NR2F6: variants seen among roughly 807,000 people sequenced by gnomAD.
The protein encoded by NR2F6 is ERBA-related gene-2.
In NR2F6, 16 loss-of-function variants were observed where a neutral mutation model predicts 26.5. That is an observed-to-expected ratio of 0.60 (90% confidence interval 0.41 to 0.92). NR2F6 has a LOEUF of 0.92. NR2F6 is among the 40% of genes least tolerant of loss of function. NR2F6 has a pLI of 0.00. For synonymous variants in NR2F6, 325 were observed against 305.0 expected (o/e 1.07, Z -0.68); for missense variants, 536 against 631.7 (o/e 0.85, Z 1.62).
chr19:17,242,867 C>T (rs2073477108), intron 1 of NR2F6, among the ~76,000 whole-genome samples: 2 of 152,214 alleles, frequency 1.3e-5, no homozygotes, highest in Non-Finnish European at 2.9e-5. Context: ...TCCTGTTATC[C>T]CACCTAAAGA....
intron 3 of NR2F6, among the ~76,000 whole-genome samples, chr19:17,233,410 G>A (rs1568315909): frequency 6.6e-6 from 1 of 152,164 alleles, no homozygotes; most frequent in African/African-American, 2.4e-5. Context: ...GAGATAGTGA[G>A]GTGTTCTCAT....
rs2073495081 is a variant in NR2F6, at chr19:17,245,709, G to C, written c.-489C>G. ...GCGGGGGGGGAGGGGCGGCGGGTGC[G>C]CGCCGGGGCTGATCGCCGCGCCCCC... On this transcript the variant is annotated 5_prime_UTR_variant, in exon 1 of 4. Coordinates refer to ENST00000291442, the MANE Select transcript of NR2F6 (RefSeq NM_005234.4). This position sits in a 1 kb window ranked among gnomAD's most constrained non-coding sequence, Gnocchi z 5.0. 6.9e-6 allele frequency: 1 copy of C among 145,612 alleles called. No homozygotes were observed. The allele number at this position is 145,612 out of a possible 1,614,324, so 9.0% of individuals were successfully genotyped here.
chr19:17,243,181 C>T (rs2073478531), intron 1 of NR2F6, among the ~76,000 whole-genome samples: 1 of 152,196 alleles, frequency 6.6e-6, no homozygotes, highest in Admixed American at 6.5e-5. Context: ...CCCTAGCCTC[C>T]TCCAGGCAGC....
At chr19:17,232,943 T>C (rs1007111825) in intron 3 of NR2F6, among the ~76,000 whole-genome samples, 1 of 151,928 alleles carries the variant, frequency 6.6e-6, no homozygotes, top group African/African-American at 2.4e-5. Context: ...AGGTCAGGAG[T>C]TCAAGACCAG....
At position 17,235,453 on chromosome 19, in the gene NR2F6, C is replaced by T; in HGVS notation, c.940+46G>A. 1 of 1,539,072 alleles carries T rather than the reference C, an allele frequency of 6.5e-7. No homozygotes were observed. The highest frequency in any genetic ancestry group is 1.4e-5 in the African/African-American group (1 of 72,804). On this transcript the variant is annotated intron_variant, in intron 3 of 3. Transcript: ENST00000291442. The surrounding 1 kb of genome is among the most constrained non-coding windows in gnomAD (Gnocchi z 5.0). ...GTCCAGGCCGCCCTCCTCCTAACCT[C>T]CCTTGGGTCCCCCCATCCCGCGGCC...
chr19:17,240,706 A>G lies in NR2F6; in HGVS notation c.338T>C (p.Leu113Pro), dbSNP rs1233964531. ...CATGCCCACCCGGAAGCACTTCTTG[A>G]GACGGCAGTACTGGCACTGGTTCCG... ...HHRNQCQYCR[L>P]KKCFRVGMRK... is the part of the protein sequence containing the mutation. Residue 113 changes from leucine (L) to proline (P), a missense_variant, in exon 2 of 4, where the codon CTC (leucine) becomes CCC (proline). Physicochemically the swap from Leu to Pro is moderately conservative, Grantham distance 98. Coordinates refer to ENST00000291442, the MANE Select transcript of NR2F6 (RefSeq NM_005234.4). 2 of 1,614,018 alleles carry G rather than the reference A, an allele frequency of 1.2e-6. No homozygotes were observed. Among genetic ancestry groups the G allele is most frequent in the Non-Finnish European group, 8.5e-7 (1 of 1,180,028 alleles).
At position 17,241,565 on chromosome 19, in the gene NR2F6, C is replaced by CT. The variant is rs561852452; in HGVS notation, c.279-801dup. ...CTTATTCTTCAAATGTCCCCAGAAC[C>CT]TTCTCCCCTTGGCCCCTGCCCTTGG... On this transcript the variant is annotated intron_variant, in intron 1 of 3. Coordinates refer to ENST00000291442, the MANE Select transcript of NR2F6 (RefSeq NM_005234.4). Among the ~76,000 whole-genome samples, 548 of 152,344 alleles carry CT rather than the reference C, an allele frequency of 3.6e-3. 2 individuals carry two copies. The highest frequency in any genetic ancestry group is 5.0e-3 in the Non-Finnish European group (337 of 68,026).
Position 17,235,113 on chromosome 19 carries a change from C to G in NR2F6, c.940+386G>C, listed in dbSNP as rs533021456. Among the ~76,000 whole-genome samples the G allele has an allele frequency of 3.9e-5, 6 of 152,296 alleles. No homozygotes were observed. The South Asian group carries it at 1.2e-3, about 32-fold the overall frequency. On this transcript the variant is annotated intron_variant, in intron 3 of 3. Transcript: ENST00000291442. The surrounding 1 kb of genome is among the most constrained non-coding windows in gnomAD (Gnocchi z 5.0). ...CCAGAACCAGGGGGTCAGGACCTTCCCTCCCACGTCCCCCCAACCTTGTGC... is the reference window on the plus strand; with the variant it reads ...CCAGAACCAGGGGGTCAGGACCTTCGCTCCCACGTCCCCCCAACCTTGTGC...
chr19:17,238,760 G>C (rs2073452828), intron 2 of NR2F6, among the ~76,000 whole-genome samples: 1 of 152,094 alleles, frequency 6.6e-6, no homozygotes, highest in Non-Finnish European at 1.5e-5. Context: ...TCCCACCAAG[G>C]CCTAGACCAA....
Position 17,243,987 on chromosome 19 carries a change from G to C in NR2F6, c.278+956C>G, listed in dbSNP as rs1383516072. On this transcript the variant is annotated intron_variant, in intron 1 of 3. Transcript: ENST00000291442. Reference sequence around the variant, plus strand: ...GCATGTTCCTGGGGTGCAGAGTAGGGGCTTATAAACGGACAGATCGGATGC... The same window carrying C: ...GCATGTTCCTGGGGTGCAGAGTAGGCGCTTATAAACGGACAGATCGGATGC... 2.0e-5 allele frequency among the ~76,000 whole-genome samples: 3 copies of C among 152,104 alleles called. No individual in the cohort carries two copies. The East Asian group carries it at 5.8e-4, about 29-fold the overall frequency.
Position 17,236,060 on chromosome 19 carries a change from G to T in NR2F6, c.379C>A (p.Gln127Lys). ...AGCGAGTGCGGGATGCGGCCGCGCT[G>T]CACCGCTGCGGGAGGCGGGGACAGG... ...FRVGMRKEAVQRGRIPHSLPG... is the reference protein window; with the variant it reads ...FRVGMRKEAVKRGRIPHSLPG... The change falls in exon 3 of 4, where the codon CAG (glutamine) becomes AAG (lysine). Residue 127 changes from glutamine to lysine, a missense_variant. By Grantham distance (53) the Gln-to-Lys change is moderately conservative. Transcript: ENST00000291442. The T allele has an allele frequency of 7.8e-7, 1 of 1,277,044 alleles. No homozygotes were observed. Among genetic ancestry groups the T allele is most frequent in the Non-Finnish European group, 9.8e-7 (1 of 1,019,122 alleles). The allele number at this position is 1,277,044 out of a possible 1,614,324, so 79.1% of individuals were successfully genotyped here.
intron 2 of NR2F6, among the ~76,000 whole-genome samples, chr19:17,237,700 A>G (rs1176153258): frequency 2.6e-5 from 4 of 152,074 alleles, no homozygotes; most frequent in African/African-American, 7.2e-5. Context: ...GTGAGCCCCC[A>G]CGCCTGGCCG....
In NR2F6 at chr19:17,245,628, T is replaced by A. The variant is rs1267573916; in HGVS notation, c.-408A>T. On this transcript the variant is annotated 5_prime_UTR_variant, in exon 1 of 4. It removes an upstream start codon present in the reference 5' UTR. Transcript: ENST00000291442. The surrounding 1 kb of genome is among the most constrained non-coding windows in gnomAD (Gnocchi z 5.0). ...CTGCGGCCAACTCAGCGGGCCGCCA[T>A]CCGAGCGCGGGAGGCCGGGGGGAAA... The A allele has an allele frequency of 1.4e-5, 2 of 145,444 alleles. No homozygotes were observed. The highest frequency in any genetic ancestry group is 4.9e-5 in the African/African-American group (2 of 40,502). 9.0% of individuals were successfully genotyped at this position (145,444 alleles called of 1,614,324 possible).
chr19:17,232,362 G>C lies in NR2F6; in HGVS notation c.1205C>G (p.Ser402Trp). ...SGSTFNWPYG[S>W]GQ Reference sequence around the variant, plus strand: ...GTGGCCCCGTCATGGTCACTGGCCCGAGCCGTAGGGCCAGTTGAAGGTACT... The same window carrying C: ...GTGGCCCCGTCATGGTCACTGGCCCCAGCCGTAGGGCCAGTTGAAGGTACT... Residue 402 changes from serine (S) to tryptophan (W), a missense_variant, in exon 4 of 4, where the codon TCG (serine) becomes TGG (tryptophan). Coordinates refer to ENST00000291442, the MANE Select transcript of NR2F6 (RefSeq NM_005234.4). 2 of 1,613,818 alleles carry C rather than the reference G, an allele frequency of 1.2e-6. No homozygotes were observed. The highest frequency in any genetic ancestry group is 1.7e-6 in the Non-Finnish European group (2 of 1,180,032).
At chr19:17,237,290 A>G (rs2073444254) in intron 2 of NR2F6, among the ~76,000 whole-genome samples, 1 of 151,988 alleles carries the variant, frequency 6.6e-6, no homozygotes, top group African/African-American at 2.4e-5. Flanking sequence ...CTGGGTTGTG[A>G]GCAACCACCA....
intron 1 of NR2F6, chr19:17,244,585 G>C (rs887240338): frequency 1.2e-5 from 3 of 240,250 alleles, no homozygotes; most frequent in African/African-American, 4.6e-5. Flanking sequence ...CGCGCGCCGG[G>C]ATCCCCGAGA....
chr19:17,243,207 G>A (rs1242465842), intron 1 of NR2F6, among the ~76,000 whole-genome samples: 2 of 152,128 alleles, frequency 1.3e-5, no homozygotes, highest in East Asian at 1.9e-4. Context: ...CTGACCTCCA[G>A]GCAGAGCCTC....
chr19:17,240,810 T>G (rs1369862248), intron 1 of NR2F6, 45 bp from the exon 2 acceptor site: 1 of 1,590,442 alleles, frequency 6.3e-7, no homozygotes, highest in South Asian at 1.1e-5. Context: ...CCCCATATCC[T>G]CCTCCCCGAA....
At chr19:17,243,117 A>T (rs76900423) in intron 1 of NR2F6, among the ~76,000 whole-genome samples, 17,077 of 152,140 alleles carry the variant, frequency 0.11, 1,086 homozygotes, top group East Asian at 0.15. Flanking sequence ...ACATTCTGGC[A>T]TGTCCCTGTG....
Sources: allele counts gnomAD v4.1 joint callset (sites outside exome capture counted in the v4.1 genomes callset), GRCh38; gene constraint gnomAD v4.1.1; non-coding constraint Gnocchi (gnomAD v3.1); transcripts MANE v1.5; gene names NCBI Gene and HGNC (gene_info 2026-07-23, HGNC 2026-07-21).